The following MBNL1 variants were observed in gnomAD, a reference collection of about 807,000 sequenced individuals.
MBNL1 encodes the protein muscleblind like splicing regulator 1.
In MBNL1, 8 loss-of-function variants were observed where a neutral mutation model predicts 42.2. The observed-to-expected ratio is 0.19, with a 90% CI of 0.11 to 0.34. The LOEUF is 0.34. Among genes scored for constraint, MBNL1 ranks in the 10% least tolerant of loss-of-function variants. The pLI is 1.00. For missense variants in MBNL1, 309 were observed against 495.3 expected, an observed-to-expected ratio of 0.62 and a Z score of 3.57; for synonymous variants, 169 against 173.9, an observed-to-expected ratio of 0.97 and a Z score of 0.22.
intron 1 of MBNL1, among the ~76,000 whole-genome samples, chr3:152,279,580 G>A (rs1293394191): frequency 2.1e-5 from 3 of 139,580 alleles, no homozygotes; most frequent in Non-Finnish European, 4.7e-5. Flanking sequence ...CTTATACTCT[G>A]TTTCTTGGAT....
chr3:152,346,981 C>G (rs2094366109), intron 2 of MBNL1, among the ~76,000 whole-genome samples: 1 of 151,218 alleles, frequency 6.6e-6, no homozygotes, highest in Admixed American at 6.6e-5. Flanking sequence ...AAGGTGGAGA[C>G]AAGCCTGGGC....
intron 2 of MBNL1, among the ~76,000 whole-genome samples, chr3:152,245,867 T>C (rs1237187508): frequency 6.6e-6 from 1 of 152,176 alleles, no homozygotes; most frequent in Non-Finnish European, 1.5e-5. Flanking sequence ...AAAATTAAGT[T>C]GATGGTTGTT....
At chr3:152,301,342 T>A in intron 2 of MBNL1, among the ~76,000 whole-genome samples, 1 of 152,228 alleles carries the variant, frequency 6.6e-6, no homozygotes, top group East Asian at 1.9e-4. Context: ...TGAATATGAA[T>A]GTCCTAATTT....
intron 3 of MBNL1, among the ~76,000 whole-genome samples, chr3:152,418,423 A>AGCACTTTG (rs1403404091): frequency 6.6e-6 from 1 of 152,052 alleles, no homozygotes; most frequent in African/African-American, 2.4e-5. Flanking sequence ...CTGTAATCCC[A>AGCACTTTG]GCACTTTGGG....
chr3:152,300,908 G>GT (rs775656033), intron 2 of MBNL1: 27 of 982,920 alleles, frequency 2.7e-5, no homozygotes, highest in Non-Finnish European at 2.9e-5. Context: ...TATGGAAAAT[G>GT]TAACTAGAAG....
At chr3:152,255,115 A>T (rs563865966) in intron 2 of MBNL1, among the ~76,000 whole-genome samples, 1 of 152,300 alleles carries the variant, frequency 6.6e-6, no homozygotes, top group South Asian at 2.1e-4. Context: ...AAATATTAAA[A>T]GAAATAGATT....
chr3:152,309,521 A>T (rs1169289577), intron 2 of MBNL1, among the ~76,000 whole-genome samples: 1 of 152,188 alleles, frequency 6.6e-6, no homozygotes, highest in Non-Finnish European at 1.5e-5. Flanking sequence ...AATCACTTAT[A>T]CTTAAGTCCA....
At chr3:152,390,358 T>C (rs2097657246) in intron 2 of MBNL1, among the ~76,000 whole-genome samples, 1 of 151,976 alleles carries the variant, frequency 6.6e-6, no homozygotes. Context: ...CAATGTCTTC[T>C]TCACTCCACA....
At chr3:152,404,229 C>T (rs1449310931) in intron 2 of MBNL1, among the ~76,000 whole-genome samples, 4 of 152,128 alleles carry the variant, frequency 2.6e-5, no homozygotes, top group South Asian at 2.1e-4. Context: ...ATACTAATTT[C>T]TGCATGTAAA....
chr3:152,429,460 T>A (rs2153736002), intron 3 of MBNL1, among the ~76,000 whole-genome samples: 1 of 152,338 alleles, frequency 6.6e-6, no homozygotes, highest in Middle Eastern at 3.4e-3. Context: ...TACTTACAAA[T>A]CATTATCACA....
chr3:152,329,763 C>A (rs2083026631), intron 2 of MBNL1, among the ~76,000 whole-genome samples: 1 of 146,548 alleles, frequency 6.8e-6, no homozygotes, highest in Non-Finnish European at 1.5e-5. Flanking sequence ...TATATAATTT[C>A]TTTCAAAACC....
In MBNL1 at chr3:152,432,903, C is replaced by G. The variant is rs2099024684; in HGVS notation, c.532C>G (p.Arg178Gly). The change falls in exon 4 of 10, where the codon CGA (arginine) becomes GGA (glycine). Residue 178 changes from arginine to glycine, a missense_variant. Coordinates refer to ENST00000324210, the MANE Select transcript of MBNL1 (RefSeq NM_021038.5). ...AAAAAAQKLM[R>G]TDRLEVCREY... ...TGCAGCTGCTGCACAGAAATTAATG[C>G]GAACAGACAGACTTGAGGTAGGAAT... The G allele has an allele frequency of 1.2e-6, 2 of 1,612,980 alleles. No individual in the cohort carries two copies. The highest frequency in any genetic ancestry group is 8.5e-7 in the Non-Finnish European group (1 of 1,179,078).
chr3:152,454,858 C>T (rs1730508428), intron 6 of MBNL1, among the ~76,000 whole-genome samples: 1 of 152,130 alleles, frequency 6.6e-6, no homozygotes, highest in South Asian at 2.1e-4. Context: ...TTATATTCCC[C>T]CTTAATGCTT....
At chr3:152,394,961 C>T (rs919175122) in intron 2 of MBNL1, among the ~76,000 whole-genome samples, 3 of 152,130 alleles carry the variant, frequency 2.0e-5, no homozygotes, top group Admixed American at 6.5e-5. Flanking sequence ...CAGGTTCAAG[C>T]GATTCTGCTG....
At chr3:152,327,320 G>T (rs1270770061) in intron 2 of MBNL1, among the ~76,000 whole-genome samples, 1 of 151,812 alleles carries the variant, frequency 6.6e-6, no homozygotes, top group Admixed American at 6.6e-5. Context: ...TGAGGATGTA[G>T]ATATGAGCCC....
upstream of MBNL1, chr3:152,264,336 A>G (rs193200334): frequency 2.0e-5 from 3 of 152,194 alleles, no homozygotes; most frequent in Admixed American, 2.0e-4. Context: ...GTATGGAAAG[A>G]AGAAAGAAAG....
intron 3 of MBNL1, among the ~76,000 whole-genome samples, chr3:152,426,988 T>TA (rs889572041): frequency 1.3e-5 from 2 of 152,248 alleles, no homozygotes; most frequent in African/African-American, 4.8e-5. Flanking sequence ...CTAGAATTCT[T>TA]AAATAGTTTT....
intron 3 of MBNL1, among the ~76,000 whole-genome samples, chr3:152,422,091 A>C (rs112543690): frequency 9.6e-4 from 146 of 152,334 alleles, no homozygotes; most frequent in African/African-American, 3.4e-3. Context: ...TATTAACCTT[A>C]AATGTAAACA....
chr3:152,299,735 T>C lies in MBNL1; in HGVS notation c.-459T>C, dbSNP rs1362729241. ...TCTATGCCAAACTAATCAATACCGA[T>C]TGCACCACCAAACTCCATTGCAAAT... On this transcript the variant is annotated 5_prime_UTR_variant, in exon 2 of 10. Transcript: ENST00000324210. The C allele has an allele frequency of 5.0e-6, 2 of 399,662 alleles. No individual in the cohort carries two copies. The highest frequency in any genetic ancestry group is 8.8e-6 in the Non-Finnish European group (2 of 226,942). The allele number at this position is 399,662 out of a possible 1,614,324, so 24.8% of individuals were successfully genotyped here. A position where few individuals can be genotyped will look rare whatever the true frequency, so the allele number is the denominator to read the frequency against.
Sources: allele counts gnomAD v4.1 joint callset (sites outside exome capture counted in the v4.1 genomes callset), GRCh38; gene constraint gnomAD v4.1.1; transcripts MANE v1.5; gene names NCBI Gene and HGNC (gene_info 2026-07-23, HGNC 2026-07-21).